Variants in RNF17 observed in about 807,000 individuals in gnomAD.
RNF17 encodes ring finger protein 17, also known as spermatogenesis associated 23.
Under a neutral mutation model 200.5 loss-of-function variants are expected in RNF17, and 31 were observed. That is an observed-to-expected ratio of 0.15 (90% CI 0.12 to 0.21). The LOEUF (loss-of-function observed/expected upper bound fraction) is 0.21. Among genes scored for constraint, RNF17 ranks in the 10% least tolerant of loss-of-function variants. The pLI is 1.00. For synonymous variants in RNF17, 606 were observed against 637.8 expected, an observed-to-expected ratio of 0.95 and a Z score of 0.75; for missense variants, 1,628 against 1,905.1, an observed-to-expected ratio of 0.85 and a Z score of 2.71.
chr13:24,803,319 C>CA (rs1303630647), intron 14 of RNF17, among the ~76,000 whole-genome samples: 1 of 152,098 alleles, frequency 6.6e-6, no homozygotes, highest in Non-Finnish European at 1.5e-5. Context: ...TTGTTTGAGA[C>CA]AGAGTCTTCA....
chr13:24,879,225 T>C lies in RNF17; in HGVS notation c.4812T>C (p.Asp1604=), dbSNP rs750876039. 2.5e-5 allele frequency: 41 copies of C among 1,613,938 alleles called. No individual in the cohort carries two copies. In the South Asian group the frequency reaches 3.4e-4, roughly 13 times the overall value. The change falls in exon 35 of 36, where the codon GAT becomes GAC. Residue 1604 remains aspartate, a synonymous_variant. Coordinates refer to ENST00000255324, the MANE Select transcript of RNF17 (RefSeq NM_031277.3). ...APEQIVTLYD[D]EQHPVHMPLV... The stretch of plus-strand genomic sequence containing the variant: ...AACAGATAGTGACATTATATGACGA[T>C]GAACAGCATCCAGTTCATATGCCGT...
chr13:24,779,547 G>C (rs1333748686), intron 4 of RNF17, 120 bp from the exon 5 acceptor site: 1 of 621,722 alleles, frequency 1.6e-6, no homozygotes, highest in East Asian at 2.8e-5. Context: ...TTTCTGTAGT[G>C]AGTCTATGTT....
chr13:24,763,780 C>G (rs954390469), upstream of RNF17, among the ~76,000 whole-genome samples: 1 of 152,180 alleles, frequency 6.6e-6, no homozygotes, highest in Admixed American at 6.5e-5. Context: ...CTTCTCCACT[C>G]CAGCTGCTAT....
At chr13:24,815,431 GTGT>G (rs1566172084) in intron 15 of RNF17, among the ~76,000 whole-genome samples, 1,217 of 11,520 alleles carry the variant, frequency 0.11, 10 homozygotes, top group Admixed American at 0.18. Context: ...CTAACGGGGT[GTGT>G]GTGTGTGTGT....
chr13:24,883,996 A>G (rs1953937267), downstream of RNF17: 13 of 1,614,154 alleles, frequency 8.1e-6, no homozygotes, highest in Non-Finnish European at 1.0e-5. Context: ...ATCTGGGAAA[A>G]TGCTTTCTTC....
In RNF17 at chr13:24,778,357, G is replaced by A. The variant is rs1391088402; in HGVS notation, c.380G>A (p.Arg127His). 9 of 1,613,718 alleles carry A rather than the reference G, an allele frequency of 5.6e-6. No homozygotes were observed. Among genetic ancestry groups the A allele is most frequent in the African/African-American group, 2.7e-5 (2 of 74,920 alleles). Residue 127 changes from arginine (R) to histidine (H), a missense_variant, in exon 4 of 36, where the codon CGT becomes CAT. Coordinates refer to ENST00000255324, the MANE Select transcript of RNF17 (RefSeq NM_031277.3). ...GATCAGCTAACTACTGGTTTAGAAC[G>A]TTCAGCCTCCACAGACAAGACTCTT... ...TADQLTTGLE[R>H]SASTDKTLLN...
At chr13:24,805,512 T>C (rs764213299) in intron 15 of RNF17, among the ~76,000 whole-genome samples, 3 of 152,240 alleles carry the variant, frequency 2.0e-5, no homozygotes, top group Admixed American at 6.5e-5. Context: ...GTTCCTATTA[T>C]GTAGGATGTA....
chr13:24,799,523 G>C lies in RNF17; in HGVS notation c.1528G>C (p.Val510Leu), dbSNP rs533425745. The change falls in exon 12 of 36, where the codon GTT becomes CTT. Residue 510 changes from valine to leucine, a missense_variant. Around this residue, in one of 5 missense-constraint regions of RNF17, gnomAD observed 289 missense variants for 384.9 expected, o/e 0.75. Transcript: ENST00000255324. ...TCCAACCAGATTATTTGTCCATGAA[G>C]TTGCACTAATACAAATATTCATGGT... ...CSPTRLFVHE[V>L]ALIQIFMVDF... 1.9e-6 allele frequency: 3 copies of C among 1,611,784 alleles called. No homozygotes were observed. The highest frequency in any genetic ancestry group is 2.7e-5 in the African/African-American group (2 of 74,980).
At chr13:24,886,077 T>C in the RNF17 span, 1 of 369,920 alleles carries the variant, frequency 2.7e-6, no homozygotes, top group Non-Finnish European at 5.3e-6. Flanking sequence ...TTGTAATATG[T>C]CCAGCACACC....
downstream of RNF17, among the ~76,000 whole-genome samples, chr13:24,883,605 T>A (rs1953928543): frequency 6.6e-6 from 1 of 152,172 alleles, no homozygotes; most frequent in Non-Finnish European, 1.5e-5. Context: ...CTTAGTAACT[T>A]TTTTCAACTT....
Position 24,781,897 on chromosome 13 carries a change from A to G in RNF17, c.564A>G (p.Glu188=). ...TAGAGGAAAGAGAAAGAGTTATAGA[A>G]GTTGTGGAGAAACAGTTTGACCAAC... ...QTIEERERVI[E]VVEKQFDQLL... The change falls in exon 6 of 36, where the codon GAA becomes GAG. Residue 188 remains glutamate (E), a synonymous_variant. Transcript: ENST00000255324. The G allele has an allele frequency of 6.2e-7, 1 of 1,613,314 alleles. No individual in the cohort carries two copies. Among genetic ancestry groups the G allele is most frequent in the African/African-American group, 1.3e-5 (1 of 74,986 alleles).
Position 24,804,564 on chromosome 13 carries a change from T to C in RNF17, c.2091+135T>C, listed in dbSNP as rs796076093. ...TGTTAACCTTCTATACGTTTAAATT[T>C]CTTAGTAGTTGCAACTTCAAACAAG... On this transcript the variant is annotated intron_variant, in intron 15 of 35. Coordinates refer to ENST00000255324, the MANE Select transcript of RNF17 (RefSeq NM_031277.3). 7 of 600,070 alleles carry C rather than the reference T, an allele frequency of 1.2e-5. No individual in the cohort carries two copies. The African/African-American group carries it at 1.3e-4, about 11-fold the overall frequency. The allele number at this position is 600,070 out of a possible 1,614,324, so 37.2% of individuals were successfully genotyped here. A position where few individuals can be genotyped will look rare whatever the true frequency, so the allele number is the denominator to read the frequency against.
intron 15 of RNF17, among the ~76,000 whole-genome samples, chr13:24,809,000 T>TA (rs530216832): frequency 9.9e-5 from 15 of 152,204 alleles, no homozygotes; most frequent in African/African-American, 3.1e-4. Flanking sequence ...GAAGCCCACT[T>TA]AATCATGGTG....
chr13:24,883,859 T>C (rs2138526022), downstream of RNF17: 1 of 1,270,066 alleles, frequency 7.9e-7, no homozygotes. Flanking sequence ...CCCCCTAATA[T>C]GGGTGTCACA....
chr13:24,771,919 A>T (rs765131487), intron 2 of RNF17, among the ~76,000 whole-genome samples: 2 of 152,056 alleles, frequency 1.3e-5, no homozygotes, highest in Non-Finnish European at 2.9e-5. Context: ...CAGAAGAATC[A>T]CTTGAACCCA....
chr13:24,800,315 A>AT, intron 12 of RNF17, 51 bp from the exon 13 acceptor site: 1 of 1,337,876 alleles, frequency 7.5e-7, no homozygotes, highest in South Asian at 1.6e-5. Context: ...GGGAAAACAA[A>AT]TTTAAGTTTG....
chr13:24,768,531 A>G (rs761847578), intron 2 of RNF17, among the ~76,000 whole-genome samples: 2 of 152,158 alleles, frequency 1.3e-5, no homozygotes, highest in African/African-American at 4.8e-5. Flanking sequence ...TGATCCGCCC[A>G]CCTCGGCCTC....
At chr13:24,754,089 C>T in the RNF17 span, among the ~76,000 whole-genome samples, 1 of 150,658 alleles carries the variant, frequency 6.6e-6, no homozygotes, top group Non-Finnish European at 1.5e-5. Flanking sequence ...ACCCGGGAGG[C>T]GGAAGTTGCA....
chr13:24,829,911 T>A (rs1889200198), intron 16 of RNF17, among the ~76,000 whole-genome samples: 1 of 152,210 alleles, frequency 6.6e-6, no homozygotes, highest in Non-Finnish European at 1.5e-5. Flanking sequence ...TATGAATGAA[T>A]CTTTGTTGAA....
Sources: allele counts gnomAD v4.1 joint callset (sites outside exome capture counted in the v4.1 genomes callset), GRCh38; gene constraint gnomAD v4.1.1; regional missense constraint gnomAD v4.1.1; transcripts MANE v1.5; gene names NCBI Gene and HGNC (gene_info 2026-07-23, HGNC 2026-07-21).